The following ASIC2 variants were observed in gnomAD, a reference collection of about 807,000 sequenced individuals.
ASIC2 encodes the protein acid-sensing ion channel 2.
In ASIC2, 25 loss-of-function variants were observed where a neutral mutation model predicts 57.3. The ratio of observed to expected loss-of-function variants is 0.44; its 90% CI spans 0.32 to 0.61. The LOEUF is 0.61. Ranked by LOEUF, ASIC2 falls within the 20% of genes least tolerant of loss-of-function variation. ASIC2 has a pLI of 0.06. For synonymous variants in ASIC2, 319 were observed against 307.5 expected (o/e 1.04, Z -0.39); for missense variants, 641 against 738.1 (o/e 0.87, Z 1.52).
intron 1 of ASIC2, among the ~76,000 whole-genome samples, chr17:33,305,648 C>A (rs1386260262): frequency 1.3e-5 from 2 of 152,178 alleles, no homozygotes; most frequent in Admixed American, 1.3e-4. Context: ...AGCTGAAACT[C>A]ACAATGATGA....
chr17:33,761,122 T>C (rs1174662676), intron 1 of ASIC2, among the ~76,000 whole-genome samples: 1 of 152,208 alleles, frequency 6.6e-6, no homozygotes, highest in East Asian at 1.9e-4. Context: ...ACACTTTAGC[T>C]TTCTTTTTCT....
At chr17:33,824,166 C>T (rs1440753462) in intron 1 of ASIC2, among the ~76,000 whole-genome samples, 2 of 152,158 alleles carry the variant, frequency 1.3e-5, no homozygotes, top group Admixed American at 6.5e-5. Flanking sequence ...GAACTCCAAA[C>T]AGACTACCTG....
intron 1 of ASIC2, among the ~76,000 whole-genome samples, chr17:33,352,273 C>G (rs1233886976): frequency 1.3e-5 from 2 of 152,156 alleles, no homozygotes; most frequent in East Asian, 3.9e-4. Flanking sequence ...CCTTCCAGGT[C>G]ACCCATCTTG....
At chr17:34,037,568 C>T (rs1597987041) in intron 1 of ASIC2, 10 of 1,418,540 alleles carry the variant, frequency 7.0e-6, no homozygotes, top group South Asian at 2.7e-5. Flanking sequence ...CGCTGCTGAA[C>T]GCCATTTGTC....
At chr17:34,049,895 A>G (rs979494323) in intron 1 of ASIC2, among the ~76,000 whole-genome samples, 4 of 152,172 alleles carry the variant, frequency 2.6e-5, no homozygotes, top group Non-Finnish European at 5.9e-5. Context: ...TGTTTCTCAC[A>G]TATTGAAATT....
chr17:33,280,712 C>T (rs1056452248), intron 1 of ASIC2, among the ~76,000 whole-genome samples: 17 of 152,220 alleles, frequency 1.1e-4, no homozygotes, highest in Non-Finnish European at 2.2e-4. Context: ...TAAAGTGAAT[C>T]AACATGCGTC....
At chr17:33,544,828 C>G (rs1040084670) in intron 1 of ASIC2, among the ~76,000 whole-genome samples, 1 of 151,876 alleles carries the variant, frequency 6.6e-6, no homozygotes, top group Admixed American at 6.6e-5. Flanking sequence ...GTGTATTCAC[C>G]TTTAGAATCT....
chr17:33,862,850 G>A (rs919540423), intron 1 of ASIC2, among the ~76,000 whole-genome samples: 3 of 152,228 alleles, frequency 2.0e-5, no homozygotes, highest in Non-Finnish European at 2.9e-5. Context: ...AGGGCAGATG[G>A]TCAGTTTCTT....
At chr17:33,638,744 G>C (rs974279957) in intron 1 of ASIC2, among the ~76,000 whole-genome samples, 2 of 152,130 alleles carry the variant, frequency 1.3e-5, no homozygotes, top group African/African-American at 4.8e-5. Context: ...CTGTGACTCT[G>C]CCTGAGAATT....
intron 1 of ASIC2, among the ~76,000 whole-genome samples, chr17:33,438,005 G>A (rs915056279): frequency 2.0e-5 from 3 of 152,138 alleles, no homozygotes; most frequent in Non-Finnish European, 2.9e-5. Context: ...TTGTCCCTGA[G>A]TAGAGGTCTC....
chr17:33,757,974 C>T (rs367924760), intron 1 of ASIC2, among the ~76,000 whole-genome samples: 5 of 152,152 alleles, frequency 3.3e-5, no homozygotes, highest in African/African-American at 7.2e-5. Context: ...ATTAACTTGT[C>T]GAATCCTCCC....
intron 1 of ASIC2, among the ~76,000 whole-genome samples, chr17:33,464,926 G>C (rs1401158042): frequency 6.6e-6 from 1 of 151,700 alleles, no homozygotes. Context: ...TTTTTTTTCT[G>C]CTTAGGAAGA....
At chr17:33,238,323 G>A (rs538006521) in intron 1 of ASIC2, among the ~76,000 whole-genome samples, 1 of 152,340 alleles carries the variant, frequency 6.6e-6, no homozygotes, top group Admixed American at 6.5e-5. Flanking sequence ...GAGGCTCTGG[G>A]ACTCCAGGGA....
chr17:34,087,416 G>C, intron 1 of ASIC2, among the ~76,000 whole-genome samples: 1 of 152,172 alleles, frequency 6.6e-6, no homozygotes, highest in East Asian at 1.9e-4. Flanking sequence ...TCAGCTGTTA[G>C]TCTGATGGGC....
At chr17:33,662,000 G>A (rs1907283706) in intron 1 of ASIC2, among the ~76,000 whole-genome samples, 1 of 152,188 alleles carries the variant, frequency 6.6e-6, no homozygotes, top group African/African-American at 2.4e-5. Context: ...TGGGAGGGAA[G>A]AATGAGACCA....
chr17:33,567,199 T>A (rs991078209), intron 1 of ASIC2, among the ~76,000 whole-genome samples: 22 of 152,026 alleles, frequency 1.4e-4, no homozygotes, highest in Non-Finnish European at 5.9e-5. Flanking sequence ...GTCTCTGAGC[T>A]GAGATCTGAA....
chr17:33,934,538 G>A (rs1916015565), intron 1 of ASIC2, among the ~76,000 whole-genome samples: 1 of 152,108 alleles, frequency 6.6e-6, no homozygotes, highest in South Asian at 2.1e-4. Flanking sequence ...AACTCTCAAG[G>A]GCACAGGCCG....
chr17:33,290,474 T>C (rs984944839), intron 1 of ASIC2, among the ~76,000 whole-genome samples: 1 of 152,186 alleles, frequency 6.6e-6, no homozygotes, highest in African/African-American at 2.4e-5. Flanking sequence ...CCAGAACTCC[T>C]CCAAGGCAGA....
At chr17:33,833,285 T>C (rs1215187259) in intron 1 of ASIC2, among the ~76,000 whole-genome samples, 1 of 152,142 alleles carries the variant, frequency 6.6e-6, no homozygotes, top group Admixed American at 6.5e-5. Context: ...ATCTCTAGCA[T>C]CAAGTGCAGT....
Sources: allele counts gnomAD v4.1 joint callset (sites outside exome capture counted in the v4.1 genomes callset), GRCh38; gene constraint gnomAD v4.1.1; transcripts MANE v1.5; gene names NCBI Gene and HGNC (gene_info 2026-07-23, HGNC 2026-07-21).